The following HFM1 variants were observed in gnomAD, a reference collection of about 807,000 sequenced individuals.
HFM1 encodes the protein helicase for meiosis 1.
Under a neutral mutation model 192.1 loss-of-function variants are expected in HFM1, and 169 were observed. The observed-to-expected ratio is 0.88, with a 90% CI of 0.78 to 1.00. The LOEUF (loss-of-function observed/expected upper bound fraction) is 1.00, where lower values mean the gene tolerates loss of function less well. Ranked by LOEUF, HFM1 falls within the 50% of genes least tolerant of loss-of-function variation. The probability of loss-of-function intolerance (pLI) is 0.00; values close to 1 mark genes in which losing one functional copy is unlikely to be tolerated. For missense variants in HFM1, 1,661 were observed against 1,668.0 expected (o/e 1.00, Z 0.07); for synonymous variants, 525 against 537.8 (o/e 0.98, Z 0.33).
chr1:91,319,241 T>C (rs772197034), intron 24 of HFM1, 32 bp from the exon 25 acceptor site: 9 of 1,604,578 alleles, frequency 5.6e-6, no homozygotes, highest in Non-Finnish European at 7.7e-6. Flanking sequence ...TTAAATCTAA[T>C]ATACCAGTTT....
At chr1:91,325,904 G>T (rs758686856) in intron 20 of HFM1, among the ~76,000 whole-genome samples, 18 of 152,018 alleles carry the variant, frequency 1.2e-4, no homozygotes, top group Non-Finnish European at 2.5e-4. Context: ...ATTTAACAAA[G>T]AGATTGAAAT....
At chr1:91,373,651 C>A (rs1469906074) in intron 13 of HFM1, among the ~76,000 whole-genome samples, 1 of 151,574 alleles carries the variant, frequency 6.6e-6, no homozygotes, top group East Asian at 1.9e-4. Context: ...TATGGTACCC[C>A]CCGACCCCTA....
chr1:91,308,965 AAT>A (rs1464988222), intron 30 of HFM1, among the ~76,000 whole-genome samples: 1 of 152,082 alleles, frequency 6.6e-6, no homozygotes, highest in Non-Finnish European at 1.5e-5. Context: ...ATGCCCTAAA[AAT>A]TATAATTTTA....
At chr1:91,400,354 T>C (rs182290266) in intron 2 of HFM1, among the ~76,000 whole-genome samples, 5 of 152,334 alleles carry the variant, frequency 3.3e-5, no homozygotes, top group Admixed American at 3.3e-4. Context: ...CCATTCTGTT[T>C]CCAGATGGTG....
At chr1:91,362,753 GA>G (rs1331406644) in intron 13 of HFM1, among the ~76,000 whole-genome samples, 1 of 152,054 alleles carries the variant, frequency 6.6e-6, no homozygotes, top group Non-Finnish European at 1.5e-5. Context: ...AACAAAGCTG[GA>G]GGTATCATTC....
chr1:91,363,170 G>A (rs559143124), intron 13 of HFM1, among the ~76,000 whole-genome samples: 2 of 151,996 alleles, frequency 1.3e-5, no homozygotes, highest in Non-Finnish European at 2.9e-5. Context: ...AGCAAAAATT[G>A]ACAAATGGCA....
At chr1:91,331,284 A>G (rs1653781989) in intron 20 of HFM1, among the ~76,000 whole-genome samples, 1 of 152,274 alleles carries the variant, frequency 6.6e-6, no homozygotes, top group African/African-American at 2.4e-5. Flanking sequence ...GTTGCAGGAT[A>G]CAACATCAAC....
chr1:91,394,340 A>G lies in HFM1; in HGVS notation c.247T>C (p.Tyr83His), dbSNP rs1312863543. ...TGGAATTTTTGTGTTAGTGAAATAT[A>G]ATTTGTATCTTCATTAGTTATCTTT... ...NLKITNEDTNYISLTQKFQFA... is the reference protein window; with the variant it reads ...NLKITNEDTNHISLTQKFQFA... Residue 83 changes from tyrosine to histidine, a missense_variant, in exon 4 of 39, where the codon TAT (tyrosine) becomes CAT (histidine). Coordinates refer to ENST00000370425, the MANE Select transcript of HFM1 (RefSeq NM_001017975.6). The G allele has an allele frequency of 1.3e-6, 2 of 1,579,276 alleles. No individual in the cohort carries two copies. The highest frequency in any genetic ancestry group is 1.7e-6 in the Non-Finnish European group (2 of 1,149,900).
At chr1:91,365,778 GTTAGGTATC>G (rs1293273676) in intron 13 of HFM1, among the ~76,000 whole-genome samples, 1 of 152,066 alleles carries the variant, frequency 6.6e-6, no homozygotes, top group East Asian at 1.9e-4. Context: ...GCTACCCACT[GTTAGGTATC>G]TTAGAAATGT....
chr1:91,330,450 C>A (rs1653655620), intron 20 of HFM1, among the ~76,000 whole-genome samples: 1 of 151,936 alleles, frequency 6.6e-6, no homozygotes, highest in Non-Finnish European at 1.5e-5. Context: ...AAGATTGAAC[C>A]ATGAAGAAAC....
chr1:91,298,572 G>A (rs921734853), intron 30 of HFM1, among the ~76,000 whole-genome samples: 1 of 152,196 alleles, frequency 6.6e-6, no homozygotes, highest in Non-Finnish European at 1.5e-5. Context: ...AAATCCATCA[G>A]ACTAACAGCT....
At chr1:91,294,337 T>C (rs1163104037) in intron 30 of HFM1, among the ~76,000 whole-genome samples, 2 of 152,128 alleles carry the variant, frequency 1.3e-5, no homozygotes, top group Non-Finnish European at 2.9e-5. Context: ...TGAGAGTTAG[T>C]AGTGCTTATT....
rs564268931 is a variant in HFM1 at position 91,273,632 on chromosome 1, G to A, written c.3772+80C>T. 8.6e-4 allele frequency: 568 copies of A among 658,198 alleles called. 2 individuals carry two copies. Among genetic ancestry groups the A allele is most frequent in the Non-Finnish European group, 1.4e-3 (541 of 378,012 alleles). 40.8% of individuals were successfully genotyped at this position (658,198 alleles called of 1,614,324 possible). A position where few individuals can be genotyped will look rare whatever the true frequency, so the allele number is the denominator to read the frequency against. ...ATAATCATAACAATTTCAGATGCCG[G>A]TGTTTCAATAACACTACTCGTCAAT... On this transcript the variant is annotated intron_variant, in intron 34 of 38. Transcript: ENST00000370425.
intron 13 of HFM1, among the ~76,000 whole-genome samples, chr1:91,364,750 C>G (rs1659050675): frequency 6.6e-6 from 1 of 150,560 alleles, no homozygotes. Context: ...TCTCCTGCCT[C>G]AGCCTCCAGG....
chr1:91,288,823 C>T (rs1368551202), intron 30 of HFM1, among the ~76,000 whole-genome samples: 3 of 152,244 alleles, frequency 2.0e-5, no homozygotes, highest in Non-Finnish European at 4.4e-5. Flanking sequence ...CTTTTCCCCA[C>T]ATTTCCCCCT....
In HFM1 at chr1:91,352,354, T is replaced by C. The variant is rs144069535; in HGVS notation, c.1977+152A>G. 5.4e-4 allele frequency: 282 copies of C among 526,784 alleles called. 1 individual carries two copies. In the East Asian group the frequency reaches 7.8e-3, roughly 15 times the overall value. 32.6% of individuals were successfully genotyped at this position (526,784 alleles called of 1,614,324 possible). ...GGAAGTATGTCCCAGTTGGTGAGGC[T>C]TGTCTTACTTTTATTCCTCCACTAA... On this transcript the variant is annotated intron_variant, in intron 16 of 38. Coordinates refer to ENST00000370425, the MANE Select transcript of HFM1 (RefSeq NM_001017975.6).
intron 38 of HFM1, 123 bp downstream of exon 38, chr1:91,262,118 G>T: frequency 2.0e-6 from 1 of 488,214 alleles, no homozygotes; most frequent in Non-Finnish European, 3.6e-6. Flanking sequence ...AAATTTTAAT[G>T]TCTTTAATAA....
rs372394784 is a variant in HFM1 at position 91,369,058 on chromosome 1, A to T, written c.1685+6300T>A. Reference sequence around the variant, plus strand: ...CAACAAGAAGAGCTAACTATCCTAAATATATATGCACCCAATACAGGAGCA... The same window carrying T: ...CAACAAGAAGAGCTAACTATCCTAATTATATATGCACCCAATACAGGAGCA... On this transcript the variant is annotated intron_variant, in intron 13 of 38. Coordinates refer to ENST00000370425, the MANE Select transcript of HFM1 (RefSeq NM_001017975.6). Among the ~76,000 whole-genome samples the T allele has an allele frequency of 5.3e-4, 81 of 152,322 alleles. 4 individuals carry two copies. The South Asian group carries it at 0.016, about 31-fold the overall frequency.
intron 13 of HFM1, among the ~76,000 whole-genome samples, chr1:91,356,564 A>T (rs1251128530): frequency 6.6e-6 from 1 of 152,186 alleles, no homozygotes; most frequent in Non-Finnish European, 1.5e-5. Context: ...CAAAAGAACA[A>T]ACTAAATGCA....
Sources: allele counts gnomAD v4.1 joint callset (sites outside exome capture counted in the v4.1 genomes callset), GRCh38; gene constraint gnomAD v4.1.1; transcripts MANE v1.5; gene names NCBI Gene and HGNC (gene_info 2026-07-23, HGNC 2026-07-21).